The following SMCR8 variants were observed in gnomAD, a reference collection of about 807,000 sequenced individuals.
The protein encoded by SMCR8 is SMCR8-C9orf72 complex subunit, also known as guanine nucleotide exchange protein SMCR8.
A neutral mutation model predicts 56.6 loss-of-function variants in SMCR8; 30 were observed. The ratio of observed to expected loss-of-function variants is 0.53; its 90% CI spans 0.40 to 0.72. The LOEUF (loss-of-function observed/expected upper bound fraction) is 0.72. Among genes scored for constraint, SMCR8 ranks in the 30% least tolerant of loss-of-function variants. SMCR8 has a pLI of 0.00. For missense variants in SMCR8, 1,198 were observed against 1,157.0 expected (o/e 1.04, Z -0.51); for synonymous variants, 538 against 456.0 (o/e 1.18, Z -2.29).
At position 18,325,113 on chromosome 17, in the gene SMCR8, AGAAG is replaced by A. The variant is rs748535385; in HGVS notation, c.*2053_*2056del. ...CCATAACTGTGCAACATTTTATCTG[AGAAG>A]GAAGGAAGGTCAGAAAGTGATCACT... is the stretch of plus-strand genomic sequence containing the variant. On this transcript the variant is annotated 3_prime_UTR_variant, in exon 2 of 2. Coordinates refer to ENST00000406438, the MANE Select transcript of SMCR8 (RefSeq NM_144775.3). 1 of 152,168 alleles carries A rather than the reference AGAAG, an allele frequency of 6.6e-6. No individual in the cohort carries two copies. The highest frequency in any genetic ancestry group is 1.5e-5 in the Non-Finnish European group (1 of 68,058). The allele number at this position is 152,168 out of a possible 1,614,324, so 9.4% of individuals were successfully genotyped here.
At chr17:18,320,746 C>T (rs1010520115) in intron 1 of SMCR8, among the ~76,000 whole-genome samples, 1 of 152,220 alleles carries the variant, frequency 6.6e-6, no homozygotes, top group African/African-American at 2.4e-5. Context: ...GTCCATAGCC[C>T]AGTGCTGTCC....
rs1338899165 is a variant in SMCR8 at position 18,326,136 on chromosome 17, A to C, written c.*3066A>C. 1.3e-5 allele frequency: 2 copies of C among 152,226 alleles called. No homozygotes were observed. The highest frequency in any genetic ancestry group is 2.9e-5 in the Non-Finnish European group (2 of 68,046). The allele number at this position is 152,226 out of a possible 1,614,324, so 9.4% of individuals were successfully genotyped here. A position where few individuals can be genotyped will look rare whatever the true frequency, so the allele number is the denominator to read the frequency against. On this transcript the variant is annotated 3_prime_UTR_variant, in exon 2 of 2. Coordinates refer to ENST00000406438, the MANE Select transcript of SMCR8 (RefSeq NM_144775.3). Reference sequence around the variant, plus strand: ...TAAGTTTTTAATGAAACCATTAAAAATTACACTTCCCAGAAAATAGATGAC... The same window carrying C: ...TAAGTTTTTAATGAAACCATTAAAACTTACACTTCCCAGAAAATAGATGAC...
chr17:18,318,369 G>A (rs1256647268), intron 1 of SMCR8, among the ~76,000 whole-genome samples: 5 of 152,094 alleles, frequency 3.3e-5, no homozygotes, highest in African/African-American at 7.2e-5. Flanking sequence ...ATCTGTCCCC[G>A]AGCTGTGTCA....
In SMCR8 at chr17:18,323,101, G is replaced by A; in HGVS notation, c.*31G>A. The A allele has an allele frequency of 1.3e-6, 2 of 1,578,604 alleles. No individual in the cohort carries two copies. Among genetic ancestry groups the A allele is most frequent in the South Asian group, 2.3e-5 (2 of 87,030 alleles). The stretch of plus-strand genomic sequence containing the variant: ...GTCCCAGACACTGTGACCAAGACCT[G>A]TGACTCAGGGTATGGGGAGGGGAGG... On this transcript the variant is annotated 3_prime_UTR_variant, in exon 2 of 2. Coordinates refer to ENST00000406438, the MANE Select transcript of SMCR8 (RefSeq NM_144775.3).
chr17:18,319,997 C>T (rs1244262323), intron 1 of SMCR8, among the ~76,000 whole-genome samples: 1 of 152,206 alleles, frequency 6.6e-6, no homozygotes, highest in Non-Finnish European at 1.5e-5. Context: ...GTGAGCCCGG[C>T]CCTGCTGTCA....
Position 18,324,570 on chromosome 17 carries a change from G to A in SMCR8, c.*1500G>A, listed in dbSNP as rs181378372. On this transcript the variant is annotated 3_prime_UTR_variant, in exon 2 of 2. Transcript: ENST00000406438. The stretch of plus-strand genomic sequence containing the variant: ...GCTGCTGAGGCCCGGCCTGCCCATC[G>A]GCCTGTAGTACGCCATCGAGGTCAT... 3.9e-5 allele frequency: 6 copies of A among 152,470 alleles called. No homozygotes were observed. The East Asian group carries it at 5.8e-4, about 15-fold the overall frequency. The allele number at this position is 152,470 out of a possible 1,614,324, so 9.4% of individuals were successfully genotyped here.
In SMCR8 at chr17:18,316,572, G is replaced by A. The variant is rs149483865; in HGVS notation, c.783G>A (p.Leu261=). Residue 261 remains leucine, a synonymous_variant, in exon 1 of 2, where the codon TTG becomes TTA. Coordinates refer to ENST00000406438, the MANE Select transcript of SMCR8 (RefSeq NM_144775.3). ...KQIRSYPHRK[L]KGHDLCPGEM... The stretch of plus-strand genomic sequence containing the variant: ...TCCGCTCATACCCTCATCGGAAGTT[G>A]AAGGGGCATGATTTGTGTCCTGGTG... 1.7e-5 allele frequency: 27 copies of A among 1,614,082 alleles called. No homozygotes were observed. Among genetic ancestry groups the A allele is most frequent in the Non-Finnish European group, 2.3e-5 (27 of 1,180,050 alleles).
At position 18,323,207 on chromosome 17, in the gene SMCR8, A is replaced by G. The variant is rs1055270784; in HGVS notation, c.*137A>G. On this transcript the variant is annotated 3_prime_UTR_variant, in exon 2 of 2. Coordinates refer to ENST00000406438, the MANE Select transcript of SMCR8 (RefSeq NM_144775.3). ...GCAGCATGGTTCCCACGTGGCTCCT[A>G]GTAGTTTTTAAGTTGGACATGGGCA... 9 of 762,202 alleles carry G rather than the reference A, an allele frequency of 1.2e-5. No individual in the cohort carries two copies. Among genetic ancestry groups the G allele is most frequent in the South Asian group, 1.9e-5 (1 of 52,994 alleles). 47.2% of individuals were successfully genotyped at this position (762,202 alleles called of 1,614,324 possible).
chr17:18,316,781 T>TC lies in SMCR8; in HGVS notation c.993dup (p.Thr332HisfsTer11). 2.5e-6 allele frequency: 4 copies of TC among 1,614,224 alleles called. No homozygotes were observed. Among genetic ancestry groups the TC allele is most frequent in the Non-Finnish European group, 3.4e-6 (4 of 1,180,054 alleles). On this transcript the variant is annotated frameshift_variant, in exon 1 of 2. Coordinates refer to ENST00000406438, the MANE Select transcript of SMCR8 (RefSeq NM_144775.3). LOFTEE classifies it high-confidence loss of function. ...GAGGAGCTCTGTGACACTGAATATTTCACCCAGACCCTGGCTCAGCTCAGC... is the reference window on the plus strand; with the variant it reads ...GAGGAGCTCTGTGACACTGAATATTTCCACCCAGACCCTGGCTCAGCTCAGC...
chr17:18,321,944 T>G (rs1422280725), intron 1 of SMCR8, among the ~76,000 whole-genome samples: 1 of 152,208 alleles, frequency 6.6e-6, no homozygotes, highest in African/African-American at 2.4e-5. Context: ...CAGGGAAGGC[T>G]GAATATGCTT....
rs1268023683 is a variant in SMCR8 at position 18,316,482 on chromosome 17, G to C, written c.693G>C (p.Glu231Asp). 6.2e-7 allele frequency: 1 copy of C among 1,614,168 alleles called. No homozygotes were observed. Among genetic ancestry groups the C allele is most frequent in the Non-Finnish European group, 8.5e-7 (1 of 1,180,034 alleles). Reference protein sequence around the residue: ...DKGFYSSQAIEKANELASVEK... With the variant: ...DKGFYSSQAIDKANELASVEK... ...GCTTTTACTCATCTCAGGCAATTGA[G>C]AAAGCCAATGAACTGGCCAGTGTGG... is the stretch of plus-strand genomic sequence containing the variant. Residue 231 changes from glutamate (E) to aspartate (D), a missense_variant, in exon 1 of 2, where the codon GAG becomes GAC. Physicochemically the swap from Glu to Asp is conservative, Grantham distance 45 (BLOSUM62 2). Transcript: ENST00000406438.
At position 18,318,011 on chromosome 17, in the gene SMCR8, C is replaced by T. The variant is rs772663813; in HGVS notation, c.2222C>T (p.Ala741Val). ...CTTGTGGTCCTGGGGGAAGATGAGG[C>T]CATAGTCAGGAAACTCGTGACTGCA... ...RTLVVLGEDE[A>V]IVRKLVTALA... is the part of the protein sequence containing the mutation. The change falls in exon 1 of 2, where the codon GCC becomes GTC. Residue 741 changes from alanine (A) to valine (V), a missense_variant. Physicochemically the swap from Ala to Val is moderately conservative, Grantham distance 64 (BLOSUM62 0). Coordinates refer to ENST00000406438, the MANE Select transcript of SMCR8 (RefSeq NM_144775.3). The T allele has an allele frequency of 6.2e-7, 1 of 1,614,242 alleles. No individual in the cohort carries two copies. The highest frequency in any genetic ancestry group is 1.3e-5 in the African/African-American group (1 of 75,056).
Position 18,317,887 on chromosome 17 carries a change from G to C in SMCR8, c.2098G>C (p.Asp700His), listed in dbSNP as rs137890085. Residue 700 changes from aspartate (D) to histidine (H), a missense_variant, in exon 1 of 2, where the codon GAT (aspartate) becomes CAT (histidine). Coordinates refer to ENST00000406438, the MANE Select transcript of SMCR8 (RefSeq NM_144775.3). ...PSAYPAGLSSDRHKKRAGQNA... is the reference protein window; with the variant it reads ...PSAYPAGLSSHRHKKRAGQNA... ...TGCTTATCCTGCTGGCCTGTCTTCC[G>C]ATAGGCATAAAAAGAGGGCTGGCCA... 2.9e-5 allele frequency: 47 copies of C among 1,613,982 alleles called. No homozygotes were observed. Among genetic ancestry groups the C allele is most frequent in the Non-Finnish European group, 3.9e-5 (46 of 1,180,022 alleles).
Position 18,316,111 on chromosome 17 carries a change from C to T in SMCR8, c.322C>T (p.Pro108Ser), listed in dbSNP as rs57936109. Residue 108 changes from proline to serine, a missense_variant, in exon 1 of 2, where the codon CCT (proline) becomes TCT (serine). Coordinates refer to ENST00000406438, the MANE Select transcript of SMCR8 (RefSeq NM_144775.3). ...CCAGGCTTCCTTCGTGGGCCATCCT[C>T]CTGGATCTGCCTACCCCAAGCTGAA... ...DYQASFVGHP[P>S]GSAYPKLNFV... 1.8e-4 allele frequency: 286 copies of T among 1,614,162 alleles called. 1 individual carries two copies. The African/African-American group carries it at 3.4e-3, about 19-fold the overall frequency.
Position 18,316,516 on chromosome 17 carries a change from A to G in SMCR8, c.727A>G (p.Ile243Val), listed in dbSNP as rs1411115285. The G allele has an allele frequency of 4.3e-6, 7 of 1,614,070 alleles. No individual in the cohort carries two copies. Among genetic ancestry groups the G allele is most frequent in the Non-Finnish European group, 5.9e-6 (7 of 1,180,054 alleles). ...ANELASVEKS[I>V]IEHQDLLKQI... ...TGAACTGGCCAGTGTGGAGAAGTCCATCATTGAACATCAAGACCTGCTGAA... is the reference window on the plus strand; with the variant it reads ...TGAACTGGCCAGTGTGGAGAAGTCCGTCATTGAACATCAAGACCTGCTGAA... The change falls in exon 1 of 2, where the codon ATC becomes GTC. Residue 243 changes from isoleucine to valine, a missense_variant. Physicochemically the swap from Ile to Val is conservative, Grantham distance 29 (BLOSUM62 3). Transcript: ENST00000406438.
At chr17:18,319,932 G>C (rs1982447589) in intron 1 of SMCR8, among the ~76,000 whole-genome samples, 1 of 152,194 alleles carries the variant, frequency 6.6e-6, no homozygotes, top group African/African-American at 2.4e-5. Context: ...TGTTGGCCAG[G>C]CTGGTCTCAA....
In SMCR8 at chr17:18,317,987, T is replaced by C. The variant is rs1209415237; in HGVS notation, c.2198T>C (p.Leu733Pro). 1.9e-6 allele frequency: 3 copies of C among 1,614,216 alleles called. No individual in the cohort carries two copies. Among genetic ancestry groups the C allele is most frequent in the Admixed American group, 3.3e-5 (2 of 60,024 alleles). Residue 733 changes from leucine to proline, a missense_variant, in exon 1 of 2, where the codon CTT becomes CCT. Physicochemically the swap from Leu to Pro is moderately conservative, Grantham distance 98 (BLOSUM62 -3). Transcript: ENST00000406438. ...AIYSLLSGRTLVVLGEDEAIV... is the reference protein window; with the variant it reads ...AIYSLLSGRTPVVLGEDEAIV... ...TACTCCCTGCTCAGTGGGAGGACAC[T>C]TGTGGTCCTGGGGGAAGATGAGGCC...
Position 18,317,067 on chromosome 17 carries a change from G to A in SMCR8, c.1278G>A (p.Leu426=), listed in dbSNP as rs1195583549. 6.2e-7 allele frequency: 1 copy of A among 1,614,162 alleles called. No individual in the cohort carries two copies. The change falls in exon 1 of 2, where the codon TTG becomes TTA. Residue 426 remains leucine, a synonymous_variant. Transcript: ENST00000406438. The part of the protein sequence containing the change: ...GSYKSSVESV[L]IKMEQELGDE... ...ACAAGTCCAGTGTGGAGTCTGTGTT[G>A]ATCAAGATGGAGCAGGAACTGGGAG...
At position 18,317,803 on chromosome 17, in the gene SMCR8, T is replaced by G. The variant is rs143114102; in HGVS notation, c.2014T>G (p.Ser672Ala). ...DISKTSLDNYSDTTSYVSSVA... is the reference protein window; with the variant it reads ...DISKTSLDNYADTTSYVSSVA... ...CAGTAAGACCAGCCTGGACAACTAC[T>G]CAGACACCACCAGCTACGTGAGCAG... is the stretch of plus-strand genomic sequence containing the variant. Residue 672 changes from serine (S) to alanine (A), a missense_variant, in exon 1 of 2, where the codon TCA becomes GCA. Ser to Ala is a moderately conservative substitution (Grantham distance 99). Transcript: ENST00000406438. 77 of 1,614,104 alleles carry G rather than the reference T, an allele frequency of 4.8e-5. No homozygotes were observed. In the African/African-American group the frequency reaches 9.3e-4, roughly 20 times the overall value.
Sources: gnomAD v4.1 joint callset for allele counts (sites outside exome capture counted in the v4.1 genomes callset) on GRCh38, gnomAD v4.1.1 for gene constraint, MANE v1.5 for transcripts, NCBI Gene and HGNC (gene_info 2026-07-23, HGNC 2026-07-21) for gene names.